The following REEP1 variants were observed in gnomAD, a reference collection of about 807,000 sequenced individuals.
REEP1 encodes the protein receptor expression-enhancing protein 1.
Under a neutral mutation model 40.3 loss-of-function variants are expected in REEP1, and 22 were observed. The observed-to-expected ratio is 0.55, with a 90% CI of 0.39 to 0.78. REEP1 has a LOEUF of 0.78. Ranked by LOEUF, REEP1 falls within the 30% of genes least tolerant of loss-of-function variation. REEP1 has a pLI of 0.00. For missense variants in REEP1, 280 were observed against 361.1 expected (o/e 0.78, Z 1.82); for synonymous variants, 116 against 139.2 (o/e 0.83, Z 1.17).
intron 8 of REEP1, among the ~76,000 whole-genome samples, chr2:86,218,172 G>A (rs1674228177): frequency 6.6e-6 from 1 of 152,146 alleles, no homozygotes. Flanking sequence ...GTTTCCCGGA[G>A]CCCCTCCTGC....
chr2:86,240,457 G>T (rs1675611553), intron 5 of REEP1, among the ~76,000 whole-genome samples: 1 of 152,242 alleles, frequency 6.6e-6, no homozygotes, highest in South Asian at 2.1e-4. Context: ...ACCCGAGTGA[G>T]GAGTGAGGTG....
intron 1 of REEP1, among the ~76,000 whole-genome samples, chr2:86,333,056 A>T (rs1056751515): frequency 6.6e-6 from 1 of 152,136 alleles, no homozygotes; most frequent in African/African-American, 2.4e-5. Flanking sequence ...TCCTTTCACA[A>T]TTCAACCGAA....
chr2:86,238,778 G>A (rs1675499129), intron 5 of REEP1, among the ~76,000 whole-genome samples: 1 of 151,970 alleles, frequency 6.6e-6, no homozygotes, highest in Non-Finnish European at 1.5e-5. Context: ...TGGAGGACTT[G>A]GGTAGGTGAA....
intron 5 of REEP1, among the ~76,000 whole-genome samples, chr2:86,239,303 A>C (rs1308965122): frequency 6.6e-6 from 1 of 151,640 alleles, no homozygotes; most frequent in Non-Finnish European, 1.5e-5. Context: ...TATCTCCAGA[A>C]ACCGAATGAG....
rs143473033 is a variant in REEP1, at chr2:86,303,145, T to C, written c.33-20903A>G. Among the ~76,000 whole-genome samples, 321 of 151,944 alleles carry C rather than the reference T, an allele frequency of 2.1e-3. 4 individuals are homozygous for C. Among genetic ancestry groups the C allele is most frequent in the Admixed American group, 4.5e-3 (68 of 15,264 alleles). ...GTACCTTCGAATTCCTAGGCTCACG[T>C]GATCCTCTGACCTCAGCCTCCTGAG... On this transcript the variant is annotated intron_variant, in intron 1 of 8. Coordinates refer to ENST00000538924, the MANE Select transcript of REEP1 (RefSeq NM_001371279.1).
rs189836967 is a variant in REEP1 at position 86,239,130 on chromosome 2, G to C, written c.418-6328C>G. 8.7e-5 allele frequency among the ~76,000 whole-genome samples: 12 copies of C among 138,152 alleles called. No individual in the cohort carries two copies. In the East Asian group the frequency reaches 2.5e-3, roughly 29 times the overall value. The allele number at this position is 138,152 out of a possible 152,430, so 90.6% of individuals were successfully genotyped here. Reference sequence around the variant, plus strand: ...AATTTAATTTTCAGTAACACCCACAGCACTCACTCAAGGTCACCCTGAGGA... The same window carrying C: ...AATTTAATTTTCAGTAACACCCACACCACTCACTCAAGGTCACCCTGAGGA... On this transcript the variant is annotated intron_variant, in intron 5 of 8. Coordinates refer to ENST00000538924, the MANE Select transcript of REEP1 (RefSeq NM_001371279.1).
intron 7 of REEP1, chr2:86,223,697 C>T (rs1242972770): frequency 1.3e-5 from 2 of 151,964 alleles, no homozygotes; most frequent in African/African-American, 4.8e-5. Flanking sequence ...CTGCTATAAT[C>T]AGAAGGACAC....
At chr2:86,338,017 G>T, upstream of REEP1, 2 of 1,536,940 alleles carry the variant, frequency 1.3e-6, no homozygotes, top group Non-Finnish European at 1.7e-6. Context: ...CCTCATAAAG[G>T]GTTTACCTGG....
intron 1 of REEP1, among the ~76,000 whole-genome samples, chr2:86,312,818 A>G (rs982116472): frequency 1.3e-5 from 2 of 152,252 alleles, no homozygotes; most frequent in Non-Finnish European, 2.9e-5. Context: ...ATGTGTCAAC[A>G]AACATACTTA....
rs558708657 is a variant in REEP1, at chr2:86,214,850, G to A, written c.*2189C>T. 6.6e-5 allele frequency: 10 copies of A among 152,538 alleles called. No homozygotes were observed. The highest frequency in any genetic ancestry group is 1.5e-4 in the Non-Finnish European group (10 of 68,006). The allele number at this position is 152,538 out of a possible 1,614,324, so 9.4% of individuals were successfully genotyped here. On this transcript the variant is annotated 3_prime_UTR_variant, in exon 9 of 9. Coordinates refer to ENST00000538924, the MANE Select transcript of REEP1 (RefSeq NM_001371279.1). Reference sequence around the variant, plus strand: ...AATACAGCATGTCTGAGAATAGAGCGCTTCAAACTTTTTTTGGCATAGTTA... The same window carrying A: ...AATACAGCATGTCTGAGAATAGAGCACTTCAAACTTTTTTTGGCATAGTTA...
intron 5 of REEP1, among the ~76,000 whole-genome samples, chr2:86,238,846 C>T (rs561191730): frequency 2.6e-5 from 4 of 152,198 alleles, no homozygotes; most frequent in East Asian, 3.9e-4. Flanking sequence ...CCACTGAGAG[C>T]GGCCACTTCA....
intron 2 of REEP1, among the ~76,000 whole-genome samples, chr2:86,278,429 A>C (rs147268995): frequency 6.6e-6 from 1 of 152,310 alleles, no homozygotes; most frequent in African/African-American, 2.4e-5. Flanking sequence ...CTGGGCCTGG[A>C]GCTGGACTCA....
chr2:86,237,391 T>C (rs1675418214), intron 5 of REEP1, among the ~76,000 whole-genome samples: 1 of 152,244 alleles, frequency 6.6e-6, no homozygotes. Context: ...CATAAGTGGA[T>C]ACTGACACGC....
chr2:86,269,246 G>A (rs1250020820), intron 2 of REEP1, among the ~76,000 whole-genome samples: 1 of 152,142 alleles, frequency 6.6e-6, no homozygotes, highest in African/African-American at 2.4e-5. Flanking sequence ...AGAATGAAGT[G>A]TTGCCCAATT....
intron 1 of REEP1, among the ~76,000 whole-genome samples, chr2:86,287,738 T>C (rs144937568): frequency 1.9e-4 from 29 of 152,340 alleles, no homozygotes; most frequent in African/African-American, 7.0e-4. Context: ...AGCAGATATA[T>C]TTGAAATCCC....
At position 86,220,139 on chromosome 2, in the gene REEP1, A is replaced by T. The variant is rs993938531; in HGVS notation, c.632-18T>A. ...CTCAACCACTTAATGTCCATTTACA[A>T]TCTACACAGATGAGACAAGGTATAG... On this transcript the variant is annotated intron_variant, in intron 7 of 8. Transcript: ENST00000538924. The T allele has an allele frequency of 9.7e-6, 12 of 1,230,928 alleles. No individual in the cohort carries two copies. In the African/African-American group the frequency reaches 1.4e-4, roughly 14 times the overall value. The allele number at this position is 1,230,928 out of a possible 1,614,324, so 76.3% of individuals were successfully genotyped here.
chr2:86,231,785 C>T (rs944786499), intron 6 of REEP1, among the ~76,000 whole-genome samples: 1 of 152,138 alleles, frequency 6.6e-6, no homozygotes, highest in Admixed American at 6.5e-5. Flanking sequence ...AAGGAGCAGC[C>T]TGGGAAACTG....
At chr2:86,314,021 A>G (rs1679878817) in intron 1 of REEP1, among the ~76,000 whole-genome samples, 1 of 152,244 alleles carries the variant, frequency 6.6e-6, no homozygotes, top group Admixed American at 6.5e-5. Context: ...GTGACTTTGT[A>G]TCCAACCACA....
In REEP1 at chr2:86,216,620, A is replaced by G. The variant is rs1674126607; in HGVS notation, c.*419T>C. 1 of 170,026 alleles carries G rather than the reference A, an allele frequency of 5.9e-6. No homozygotes were observed. The highest frequency in any genetic ancestry group is 1.3e-5 in the Non-Finnish European group (1 of 78,004). The allele number at this position is 170,026 out of a possible 1,614,324, so 10.5% of individuals were successfully genotyped here. A position where few individuals can be genotyped will look rare whatever the true frequency, so the allele number is the denominator to read the frequency against. ...CATCATAGTTCAAAGTATAAGTACC[A>G]AGAACAAAGAAAGTTGTAAAAAATG... On this transcript the variant is annotated 3_prime_UTR_variant, in exon 9 of 9. Coordinates refer to ENST00000538924, the MANE Select transcript of REEP1 (RefSeq NM_001371279.1).
Sources: gnomAD v4.1 joint callset for allele counts (sites outside exome capture counted in the v4.1 genomes callset) on GRCh38, gnomAD v4.1.1 for gene constraint, MANE v1.5 for transcripts, NCBI Gene and HGNC (gene_info 2026-07-23, HGNC 2026-07-21) for gene names.